The following PTPRZ1 variants were observed in gnomAD, a reference collection of about 807,000 sequenced individuals.
PTPRZ1 encodes the protein protein tyrosine phosphatase receptor type Z1, also known as receptor-type tyrosine-protein phosphatase zeta.
Under a neutral mutation model 214.1 loss-of-function variants are expected in PTPRZ1, and 82 were observed. That is an observed-to-expected ratio of 0.38 (90% CI 0.32 to 0.46). The LOEUF (loss-of-function observed/expected upper bound fraction) is 0.46, where lower values mean the gene tolerates loss of function less well. PTPRZ1 is among the 20% of genes least tolerant of loss of function. PTPRZ1 has a pLI of 1.00. For synonymous variants in PTPRZ1, 945 were observed against 987.9 expected (o/e 0.96, Z 0.81); for missense variants, 2,603 against 2,748.7 (o/e 0.95, Z 1.19).
intron 23 of PTPRZ1, among the ~76,000 whole-genome samples, chr7:122,046,459 A>G (rs543171457): frequency 6.6e-6 from 1 of 152,298 alleles, no homozygotes; most frequent in Non-Finnish European, 1.5e-5. Context: ...AGTGTGAAAA[A>G]TGCCATTATA....
intron 1 of PTPRZ1, among the ~76,000 whole-genome samples, chr7:121,919,091 TCTTGATAACCCTTGTCAA>T (rs1173748587): frequency 6.6e-6 from 1 of 152,060 alleles, no homozygotes; most frequent in African/African-American, 2.4e-5. Context: ...GTTTTAAGGA[TCTTGATAACCCTTGTCAA>T]CTCACTTCCC....
At chr7:121,956,553 T>C (rs1796712838) in intron 2 of PTPRZ1, among the ~76,000 whole-genome samples, 1 of 152,224 alleles carries the variant, frequency 6.6e-6, no homozygotes, top group East Asian at 1.9e-4. Context: ...CAGAATTTAT[T>C]TGAAGATTCA....
At chr7:121,987,415 G>T (rs1401149022) in intron 8 of PTPRZ1, among the ~76,000 whole-genome samples, 2 of 152,132 alleles carry the variant, frequency 1.3e-5, no homozygotes, top group Non-Finnish European at 2.9e-5. Context: ...TTTCTTTTGG[G>T]TGTATACCCA....
intron 1 of PTPRZ1, among the ~76,000 whole-genome samples, chr7:121,901,518 A>G (rs1288185075): frequency 6.6e-6 from 1 of 152,186 alleles, no homozygotes; most frequent in Non-Finnish European, 1.5e-5. Context: ...CTAAAATTTG[A>G]TGAAGTATTA....
intron 10 of PTPRZ1, 32 bp downstream of exon 10, chr7:121,998,038 C>T (rs930322825): frequency 1.3e-6 from 2 of 1,593,942 alleles, no homozygotes; most frequent in South Asian, 1.1e-5. Context: ...TATATATTAA[C>T]TCAATAAATG....
intron 8 of PTPRZ1, among the ~76,000 whole-genome samples, chr7:121,993,308 T>A (rs1244753094): frequency 6.6e-6 from 1 of 151,606 alleles, no homozygotes; most frequent in Non-Finnish European, 1.5e-5. Context: ...TCCCAGCACT[T>A]GGGGAGGCTG....
intron 13 of PTPRZ1, among the ~76,000 whole-genome samples, chr7:122,024,071 A>T (rs1799133868): frequency 6.6e-6 from 1 of 151,812 alleles, no homozygotes. Flanking sequence ...CATAGACGTG[A>T]AGACATTCAC....
chr7:121,988,418 T>G (rs1442590788), intron 8 of PTPRZ1, among the ~76,000 whole-genome samples: 1 of 152,194 alleles, frequency 6.6e-6, no homozygotes, highest in Non-Finnish European at 1.5e-5. Context: ...ACATATTCAG[T>G]CGATTCTTTT....
intron 2 of PTPRZ1, among the ~76,000 whole-genome samples, chr7:121,932,107 T>C (rs1349047386): frequency 2.0e-5 from 3 of 152,302 alleles, no homozygotes; most frequent in African/African-American, 7.2e-5. Context: ...TGAGTACATT[T>C]TACAACCCTT....
chr7:121,933,351 A>G (rs1795979725), intron 2 of PTPRZ1, among the ~76,000 whole-genome samples: 1 of 152,122 alleles, frequency 6.6e-6, no homozygotes, highest in African/African-American at 2.4e-5. Context: ...TACGACAGAA[A>G]TATAATCTTT....
At chr7:122,008,788 C>T (rs1158468534) in intron 11 of PTPRZ1, among the ~76,000 whole-genome samples, 2 of 152,090 alleles carry the variant, frequency 1.3e-5, no homozygotes, top group Non-Finnish European at 2.9e-5. Context: ...CCAAGCTTAA[C>T]ATTGATCCCC....
intron 13 of PTPRZ1, among the ~76,000 whole-genome samples, chr7:122,026,219 A>T (rs1324968764): frequency 6.6e-6 from 1 of 152,198 alleles, no homozygotes; most frequent in East Asian, 1.9e-4. Flanking sequence ...AAGGTATTCA[A>T]ACTGGACCTT....
chr7:121,960,164 G>T (rs1054935980), intron 2 of PTPRZ1, among the ~76,000 whole-genome samples: 1 of 152,130 alleles, frequency 6.6e-6, no homozygotes, highest in African/African-American at 2.4e-5. Flanking sequence ...TCAGCCTCCC[G>T]ATTAGCTGTA....
intron 1 of PTPRZ1, among the ~76,000 whole-genome samples, chr7:121,892,482 C>G: frequency 6.6e-6 from 1 of 151,742 alleles, no homozygotes. Context: ...AGAACTCTGA[C>G]TAGTTGAGGT....
chr7:121,891,834 T>C (rs1037378021), intron 1 of PTPRZ1, among the ~76,000 whole-genome samples: 3 of 151,970 alleles, frequency 2.0e-5, no homozygotes, highest in African/African-American at 7.2e-5. Flanking sequence ...ATGCCTTAAG[T>C]TTTTTTTCTG....
intron 18 of PTPRZ1, 116 bp from the exon 19 acceptor site, chr7:122,038,639 T>C (rs1584767293): frequency 1.0e-6 from 1 of 992,220 alleles, no homozygotes; most frequent in Non-Finnish European, 1.4e-6. Flanking sequence ...TGCAAGTTTA[T>C]TTTTTATGGT....
At chr7:122,054,092 C>A in intron 26 of PTPRZ1, 54 bp downstream of exon 26, 1 of 1,578,896 alleles carries the variant, frequency 6.3e-7, no homozygotes, top group Non-Finnish European at 8.6e-7. Flanking sequence ...TATCAGGTTA[C>A]AAACAGCAAA....
At chr7:121,955,828 G>A (rs1255496512) in intron 2 of PTPRZ1, among the ~76,000 whole-genome samples, 1 of 152,148 alleles carries the variant, frequency 6.6e-6, no homozygotes, top group Non-Finnish European at 1.5e-5. Flanking sequence ...CTGTTGTTAT[G>A]GGAGTTTGTT....
At chr7:122,057,798 C>G (rs1352228958) in intron 27 of PTPRZ1, among the ~76,000 whole-genome samples, 1 of 151,540 alleles carries the variant, frequency 6.6e-6, no homozygotes, top group East Asian at 1.9e-4. Context: ...TGAAGATGCT[C>G]TCTTACACTG....
Sources: gnomAD v4.1 joint callset for allele counts (sites outside exome capture counted in the v4.1 genomes callset) on GRCh38, gnomAD v4.1.1 for gene constraint, MANE v1.5 for transcripts, NCBI Gene and HGNC (gene_info 2026-07-23, HGNC 2026-07-21) for gene names.